Variants in AGPAT3 observed in about 807,000 individuals in gnomAD.
AGPAT3 encodes the protein 1-acyl-sn-glycerol-3-phosphate acyltransferase gamma.
In AGPAT3, 5 loss-of-function variants were observed where a neutral mutation model predicts 47.3. The observed-to-expected ratio is 0.11, with a 90% CI of 0.06 to 0.22. AGPAT3 has a LOEUF of 0.22. Among genes scored for constraint, AGPAT3 ranks in the 10% least tolerant of loss-of-function variants. The probability of loss-of-function intolerance (pLI) is 1.00; values close to 1 mark genes in which losing one functional copy is unlikely to be tolerated. For synonymous variants in AGPAT3, 212 were observed against 208.3 expected, an observed-to-expected ratio of 1.02 and a Z score of -0.15; for missense variants, 315 against 493.0, an observed-to-expected ratio of 0.64 and a Z score of 3.42.
chr21:43,971,343 C>T lies in AGPAT3; in HGVS notation c.665-45C>T, dbSNP rs576476891. On this transcript the variant is annotated intron_variant, in intron 6 of 9. Transcript: ENST00000291572. ...GCTTTTCCCTCTGGCAGTGACCATG[C>T]AGCCGCCTGGGCTGGGTCATTCACC... The T allele has an allele frequency of 1.8e-5, 29 of 1,572,736 alleles. 1 individual carries two copies. The highest frequency in any genetic ancestry group is 1.2e-4 in the South Asian group (11 of 89,930).
chr21:43,978,790 G>A (rs867996987), intron 8 of AGPAT3, among the ~76,000 whole-genome samples: 14 of 152,208 alleles, frequency 9.2e-5, no homozygotes, highest in African/African-American at 3.1e-4. Flanking sequence ...ACAAATTAGG[G>A]ATGTTAGAGC....
chr21:43,977,910 G>T, intron 7 of AGPAT3, 136 bp from the exon 8 acceptor site: 1 of 605,526 alleles, frequency 1.7e-6, no homozygotes, highest in Non-Finnish European at 2.9e-6. Context: ...GAAAAGAAAA[G>T]AAATTGAGAG....
At chr21:43,944,937 G>A (rs1032748696) in intron 2 of AGPAT3, among the ~76,000 whole-genome samples, 6 of 152,262 alleles carry the variant, frequency 3.9e-5, no homozygotes, top group African/African-American at 9.6e-5. Flanking sequence ...CCCGCCTGGA[G>A]ACATCATCAC....
intron 2 of AGPAT3, among the ~76,000 whole-genome samples, chr21:43,926,635 CCTTTTTT>C (rs1231910622): frequency 4.6e-5 from 5 of 107,726 alleles, no homozygotes; most frequent in African/African-American, 1.9e-4. Flanking sequence ...GCTACGCTGG[CCTTTTTT>C]TTTTTTTTTT....
At position 43,982,258 on chromosome 21, in the gene AGPAT3, C is replaced by T. The variant is rs2089881437; in HGVS notation, c.1043-46C>T. 1 of 1,502,574 alleles carries T rather than the reference C, an allele frequency of 6.7e-7. No homozygotes were observed. Among genetic ancestry groups the T allele is most frequent in the Non-Finnish European group, 9.2e-7 (1 of 1,086,698 alleles). The allele number at this position is 1,502,574 out of a possible 1,614,324, so 93.1% of individuals were successfully genotyped here. A position where few individuals can be genotyped will look rare whatever the true frequency, so the allele number is the denominator to read the frequency against. On this transcript the variant is annotated intron_variant, in intron 9 of 9. Transcript: ENST00000291572. The surrounding 1 kb of genome is among the most constrained non-coding windows in gnomAD (Gnocchi z 6.2). ...AGTAACACGTTTTACAGCAAAAAGG[C>T]AAAGTCATCCGTCTCACCTCTTCTC...
In AGPAT3 at chr21:43,982,645, G is replaced by A. The variant is rs924089651; in HGVS notation, c.*253G>A. The A allele has an allele frequency of 1.3e-4, 43 of 334,776 alleles. No homozygotes were observed. Among genetic ancestry groups the A allele is most frequent in the East Asian group, 5.4e-4 (8 of 14,706 alleles). 20.7% of individuals were successfully genotyped at this position (334,776 alleles called of 1,614,324 possible). On this transcript the variant is annotated 3_prime_UTR_variant, in exon 10 of 10. Coordinates refer to ENST00000291572, the MANE Select transcript of AGPAT3 (RefSeq NM_020132.5). The surrounding 1 kb of genome is among the most constrained non-coding windows in gnomAD (Gnocchi z 6.2). Reference sequence around the variant, plus strand: ...GTGGGTCCGGCCGGAGAGGCCTCCCGCGGACGCCGTCTCTCCAGAACTCCG... The same window carrying A: ...GTGGGTCCGGCCGGAGAGGCCTCCCACGGACGCCGTCTCTCCAGAACTCCG...
chr21:43,914,088 C>G (rs1452140056), intron 2 of AGPAT3, among the ~76,000 whole-genome samples: 1 of 152,226 alleles, frequency 6.6e-6, no homozygotes, highest in Admixed American at 6.5e-5. Flanking sequence ...TGACGTCTCT[C>G]TGCCTCTGCA....
chr21:43,968,182 G>A (rs1484057063), intron 4 of AGPAT3, 67 bp downstream of exon 4: 1 of 1,573,284 alleles, frequency 6.4e-7, no homozygotes, highest in Non-Finnish European at 8.6e-7. Flanking sequence ...GGGGTGAGCG[G>A]GGACCCAGGG....
At position 43,981,338 on chromosome 21, in the gene AGPAT3, G is replaced by A. The variant is rs1465890331; in HGVS notation, c.1042+151G>A. On this transcript the variant is annotated intron_variant, in intron 9 of 9. Transcript: ENST00000291572. The surrounding 1 kb of genome is among the most constrained non-coding windows in gnomAD (Gnocchi z 5.3). ...GAGCCAGGATCCCCCCACGGCCTGC[G>A]GGCCTCAGAGCCTGGATTCTTGCAC... 3.5e-6 allele frequency: 3 copies of A among 854,572 alleles called. No individual in the cohort carries two copies. Among genetic ancestry groups the A allele is most frequent in the African/African-American group, 1.7e-5 (1 of 59,430 alleles). The allele number at this position is 854,572 out of a possible 1,614,324, so 52.9% of individuals were successfully genotyped here.
At chr21:43,949,500 C>G (rs2088077936) in intron 2 of AGPAT3, among the ~76,000 whole-genome samples, 1 of 152,232 alleles carries the variant, frequency 6.6e-6, no homozygotes, top group East Asian at 1.9e-4. Context: ...TGGCAACGCT[C>G]TAAAGACTGT....
chr21:43,970,097 C>T lies in AGPAT3; in HGVS notation c.511-556C>T, dbSNP rs1374167463. Among the ~76,000 whole-genome samples the T allele has an allele frequency of 6.6e-6, 1 of 152,026 alleles. No homozygotes were observed. The highest frequency in any genetic ancestry group is 2.1e-4 in the South Asian group (1 of 4,822). ...GATCTCAGCTCACTGCAACCTCTGC[C>T]TCCCGGGTTCCAGCAGTTCTCCTCT... On this transcript the variant is annotated intron_variant, in intron 5 of 9. Transcript: ENST00000291572. This position sits in a 1 kb window ranked among gnomAD's most constrained non-coding sequence, Gnocchi z 5.8.
In AGPAT3 at chr21:43,981,392, C is replaced by T. The variant is rs906361204; in HGVS notation, c.1042+205C>T. 33 of 619,482 alleles carry T rather than the reference C, an allele frequency of 5.3e-5. No homozygotes were observed. The Middle Eastern group carries it at 3.0e-3, about 57-fold the overall frequency. 38.4% of individuals were successfully genotyped at this position (619,482 alleles called of 1,614,324 possible). A position where few individuals can be genotyped will look rare whatever the true frequency, so the allele number is the denominator to read the frequency against. ...GCTGAGGGTCGCCTCCCCAGAGAGC[C>T]GAACGGCCGCCACCTGGCGCCATCC... On this transcript the variant is annotated intron_variant, in intron 9 of 9. Transcript: ENST00000291572. The surrounding 1 kb of genome is among the most constrained non-coding windows in gnomAD (Gnocchi z 5.3).
At chr21:43,916,741 T>A (rs2146136018) in intron 2 of AGPAT3, among the ~76,000 whole-genome samples, 1 of 152,332 alleles carries the variant, frequency 6.6e-6, no homozygotes, top group South Asian at 2.1e-4. Context: ...GGACCAGGGC[T>A]GTGGTCATTT....
chr21:43,918,709 T>C (rs2086819104), intron 2 of AGPAT3, among the ~76,000 whole-genome samples: 1 of 151,860 alleles, frequency 6.6e-6, no homozygotes, highest in African/African-American at 2.4e-5. Flanking sequence ...CCTGAGTAGC[T>C]GGAATTACAG....
intron 1 of AGPAT3, among the ~76,000 whole-genome samples, chr21:43,879,890 G>T (rs1046234838): frequency 6.6e-6 from 1 of 152,182 alleles, no homozygotes; most frequent in Non-Finnish European, 1.5e-5. Context: ...GGACCTCTGG[G>T]CACCTGGTAC....
At chr21:43,886,357 G>T (rs1251501843) in intron 1 of AGPAT3, among the ~76,000 whole-genome samples, 1 of 152,110 alleles carries the variant, frequency 6.6e-6, no homozygotes, top group Non-Finnish European at 1.5e-5. Flanking sequence ...GGGTTCAAGT[G>T]ATTCTCATGC....
intron 1 of AGPAT3, among the ~76,000 whole-genome samples, chr21:43,874,722 C>G (rs2105660): frequency 6.6e-6 from 1 of 152,150 alleles, no homozygotes; most frequent in Non-Finnish European, 1.5e-5. Context: ...TTCAACTTGA[C>G]TGTGGTCTTT....
chr21:43,874,106 A>G (rs953133484), intron 1 of AGPAT3, among the ~76,000 whole-genome samples: 1 of 151,902 alleles, frequency 6.6e-6, no homozygotes, highest in Non-Finnish European at 1.5e-5. Context: ...GCTCACTGCA[A>G]CCTCCGCCTC....
At chr21:43,877,684 T>A (rs1302080638) in intron 1 of AGPAT3, among the ~76,000 whole-genome samples, 5 of 152,104 alleles carry the variant, frequency 3.3e-5, no homozygotes, top group Non-Finnish European at 7.4e-5. Context: ...CCTCGGGTGA[T>A]CCGCCCGCCT....
Sources: gnomAD v4.1 joint callset for allele counts (sites outside exome capture counted in the v4.1 genomes callset) on GRCh38, gnomAD v4.1.1 for gene constraint, Gnocchi (gnomAD v3.1) non-coding constraint, MANE v1.5 for transcripts, NCBI Gene and HGNC (gene_info 2026-07-23, HGNC 2026-07-21) for gene names.